Variants in HTR2C observed in about 807,000 individuals in gnomAD.
HTR2C encodes the protein 5-hydroxytryptamine (serotonin) receptor 2C, G protein-coupled.
In HTR2C, 5 loss-of-function variants were observed where a neutral mutation model predicts 21.0. The observed-to-expected ratio is 0.24, with a 90% CI of 0.12 to 0.50. The LOEUF (loss-of-function observed/expected upper bound fraction) is 0.50, where lower values mean the gene tolerates loss of function less well. HTR2C is among the 20% of genes least tolerant of loss of function. The probability of loss-of-function intolerance (pLI) is 0.98; values close to 1 mark genes in which losing one functional copy is unlikely to be tolerated. For missense variants in HTR2C, 271 were observed against 371.2 expected (o/e 0.73, Z 2.22); for synonymous variants, 150 against 145.3 (o/e 1.03, Z -0.23).
At chrX:114,740,369 T>G (rs972414641) in intron 4 of HTR2C, among the ~76,000 whole-genome samples, 7 of 110,235 alleles carry the variant, frequency 6.4e-5, no homozygotes, top group Non-Finnish European at 1.3e-4. Context: ...CTGGTGGGAA[T>G]GTCAATTGCT....
chrX:114,662,629 A>C (rs1390330424), intron 2 of HTR2C, among the ~76,000 whole-genome samples: 2 of 112,089 alleles, frequency 1.8e-5, no homozygotes, highest in Non-Finnish European at 3.8e-5. Context: ...ATGACTGTGC[A>C]GACACATGCA....
intron 5 of HTR2C, among the ~76,000 whole-genome samples, chrX:114,850,622 C>T (rs1394015270): frequency 9.0e-6 from 1 of 110,853 alleles, no homozygotes; most frequent in African/African-American, 3.3e-5. Flanking sequence ...GAGCTATGAT[C>T]GTGCTATGAC....
chrX:114,766,891 C>A (rs1288509537), intron 4 of HTR2C, among the ~76,000 whole-genome samples: 1 of 110,351 alleles, frequency 9.1e-6, no homozygotes, highest in Non-Finnish European at 1.9e-5. Context: ...AACATTAAGT[C>A]CCCAAAGTAA....
Position 114,908,753 on chromosome X carries a change from C to T in HTR2C, c.*1338C>T, listed in dbSNP as rs1336629247. On this transcript the variant is annotated 3_prime_UTR_variant, in exon 6 of 6. Coordinates refer to ENST00000276198, the MANE Select transcript of HTR2C (RefSeq NM_000868.4). ...GTTGGCCATCATTTCATTCGTGGGC[C>T]TGCTGCTCTCTAAGAATTCAGTAGC... 8.9e-6 allele frequency: 1 copy of T among 112,540 alleles called. No individual in the cohort carries two copies. Among genetic ancestry groups the T allele is most frequent in the Non-Finnish European group, 1.9e-5 (1 of 53,259 alleles). The allele number at this position is 112,540 out of a possible 1,213,427, so 9.3% of individuals were successfully genotyped here. A position where few individuals can be genotyped will look rare whatever the true frequency, so the allele number is the denominator to read the frequency against.
intron 2 of HTR2C, among the ~76,000 whole-genome samples, chrX:114,615,814 G>C (rs1928926044): frequency 8.9e-6 from 1 of 111,908 alleles, no homozygotes; most frequent in South Asian, 3.7e-4. Flanking sequence ...ACACACACCT[G>C]TTGACACTTT....
intron 4 of HTR2C, among the ~76,000 whole-genome samples, chrX:114,818,391 C>G (rs782141860): frequency 1.8e-5 from 2 of 111,846 alleles, no homozygotes; most frequent in Non-Finnish European, 3.8e-5. Context: ...CTTTTTAAAG[C>G]CTTCTCTCTT....
chrX:114,778,458 T>C (rs2070081278), intron 4 of HTR2C, among the ~76,000 whole-genome samples: 1 of 110,729 alleles, frequency 9.0e-6, no homozygotes, highest in Non-Finnish European at 1.9e-5. Flanking sequence ...GAAGTTCACA[T>C]GGTAGAAACT....
At chrX:114,901,870 T>C (rs995783076) in intron 5 of HTR2C, among the ~76,000 whole-genome samples, 2 of 111,401 alleles carry the variant, frequency 1.8e-5, no homozygotes, top group Non-Finnish European at 3.8e-5. Flanking sequence ...TTTTTTTTTG[T>C]CTGGATTGAA....
At chrX:114,720,488 A>G in intron 2 of HTR2C, among the ~76,000 whole-genome samples, 1 of 101,170 alleles carries the variant, frequency 9.9e-6, no homozygotes, top group South Asian at 5.1e-4. Flanking sequence ...GCTTATCAAG[A>G]CAGATTTTCA....
At chrX:114,657,243 A>C (rs899234481) in intron 2 of HTR2C, among the ~76,000 whole-genome samples, 1 of 111,036 alleles carries the variant, frequency 9.0e-6, no homozygotes, top group African/African-American at 3.3e-5. Flanking sequence ...TAATGATGAA[A>C]TGGAACAAGA....
intron 2 of HTR2C, among the ~76,000 whole-genome samples, chrX:114,662,849 A>G (rs1023522865): frequency 3.8e-4 from 43 of 111,881 alleles, no homozygotes; most frequent in African/African-American, 1.4e-3. Flanking sequence ...AAATGTATAC[A>G]ATAGTATTGC....
At chrX:114,642,867 A>G (rs1556406742) in intron 2 of HTR2C, among the ~76,000 whole-genome samples, 1 of 111,715 alleles carries the variant, frequency 9.0e-6, no homozygotes, top group African/African-American at 3.2e-5. Context: ...TTCAGTTTAC[A>G]ACTGACACAC....
chrX:114,854,930 A>G (rs1234424103), intron 5 of HTR2C, among the ~76,000 whole-genome samples: 1 of 111,947 alleles, frequency 8.9e-6, no homozygotes. Context: ...AACATTTTTC[A>G]AAAGAAGGCA....
chrX:114,699,878 G>T (rs1415191928), intron 2 of HTR2C, among the ~76,000 whole-genome samples: 5 of 112,266 alleles, frequency 4.5e-5, no homozygotes, highest in Non-Finnish European at 9.4e-5. Flanking sequence ...ATGATCATAT[G>T]ATTTTATATG....
intron 4 of HTR2C, among the ~76,000 whole-genome samples, chrX:114,745,046 G>A (rs1262595369): frequency 8.9e-6 from 1 of 111,813 alleles, no homozygotes; most frequent in Non-Finnish European, 1.9e-5. Flanking sequence ...CACAGAAGGG[G>A]AGAAAAATGT....
chrX:114,873,884 A>G (rs1390560331), intron 5 of HTR2C, among the ~76,000 whole-genome samples: 2 of 111,396 alleles, frequency 1.8e-5, no homozygotes, highest in African/African-American at 6.5e-5. Flanking sequence ...GTTAGACCCC[A>G]GAATGGATTT....
intron 5 of HTR2C, among the ~76,000 whole-genome samples, chrX:114,905,988 A>G (rs1172689710): frequency 9.0e-6 from 1 of 111,437 alleles, no homozygotes; most frequent in Non-Finnish European, 1.9e-5. Flanking sequence ...ATGCCCAGAG[A>G]CTCAAAATAA....
intron 4 of HTR2C, among the ~76,000 whole-genome samples, chrX:114,805,308 G>T (rs367647946): frequency 9.3e-6 from 1 of 107,620 alleles, no homozygotes; most frequent in Non-Finnish European, 1.9e-5. Flanking sequence ...TCATTCCTTG[G>T]CTAACCTTTT....
intron 2 of HTR2C, among the ~76,000 whole-genome samples, chrX:114,684,970 G>T (rs1222018787): frequency 4.5e-5 from 5 of 111,016 alleles, no homozygotes; most frequent in Non-Finnish European, 3.8e-5. Context: ...AGATCAAAAG[G>T]CTAAAATCTT....
Sources: allele counts gnomAD v4.1 joint callset (sites outside exome capture counted in the v4.1 genomes callset), GRCh38; gene constraint gnomAD v4.1.1; transcripts MANE v1.5; gene names NCBI Gene and HGNC (gene_info 2026-07-23, HGNC 2026-07-21).